Variants in DNAH5 observed in about 807,000 individuals in gnomAD.
DNAH5 encodes dynein axonemal heavy chain 5.
In DNAH5, 372 loss-of-function variants were observed where a neutral mutation model predicts 518.2. That is an observed-to-expected ratio of 0.72 (90% CI 0.66 to 0.78). The LOEUF is 0.78. Ranked by LOEUF, DNAH5 falls within the 30% of genes least tolerant of loss-of-function variation. The pLI, the probability that DNAH5 is intolerant of heterozygous loss-of-function variation, is 0.00. For missense variants in DNAH5, 5,523 were observed against 5,687.0 expected, an observed-to-expected ratio of 0.97 and a Z score of 0.93; for synonymous variants, 2,039 against 2,025.9, an observed-to-expected ratio of 1.01 and a Z score of -0.17.
At chr5:13,788,563 C>T (rs1756452466) in intron 51 of DNAH5, among the ~76,000 whole-genome samples, 153 bp downstream of exon 51, 1 of 152,186 alleles carries the variant, frequency 6.6e-6, no homozygotes, top group South Asian at 2.1e-4. Flanking sequence ...ATTCACTCAT[C>T]CTAGTTTTAT....
At chr5:13,753,867 C>T (rs1750604890) in intron 62 of DNAH5, among the ~76,000 whole-genome samples, 1 of 152,002 alleles carries the variant, frequency 6.6e-6, no homozygotes, top group Non-Finnish European at 1.5e-5. Flanking sequence ...TAAATGTGAC[C>T]TTCATCAATA....
rs373539107 is a variant in DNAH5, at chr5:13,871,536, A to G, written c.3598+28T>C. The G allele has an allele frequency of 2.6e-6, 4 of 1,567,976 alleles. No homozygotes were observed. In the African/African-American group the frequency reaches 4.1e-5, roughly 16 times the overall value. On this transcript the variant is annotated intron_variant, in intron 23 of 78. Transcript: ENST00000265104. ...GGCAGAACAATAATGGCTAATTTAT[A>G]TAACTATATGAAAGAAAATGAACCA...
chr5:13,806,894 G>T (rs76078265), intron 47 of DNAH5, among the ~76,000 whole-genome samples: 3,169 of 152,206 alleles, frequency 0.021, 96 homozygotes, highest in African/African-American at 0.069. Flanking sequence ...AAGGGTCTAA[G>T]ATTTTATACC....
chr5:13,719,737 T>C (rs924859799), intron 71 of DNAH5, among the ~76,000 whole-genome samples: 1 of 152,154 alleles, frequency 6.6e-6, no homozygotes, highest in Non-Finnish European at 1.5e-5. Context: ...AATGATTGCC[T>C]GCTGAATTTT....
intron 16 of DNAH5, among the ~76,000 whole-genome samples, chr5:13,894,321 A>C (rs1024755740): frequency 2.0e-5 from 3 of 152,178 alleles, no homozygotes; most frequent in Non-Finnish European, 2.9e-5. Context: ...CCAAATCTCC[A>C]CATCTTTCAA....
chr5:13,901,273 G>A lies in DNAH5; in HGVS notation c.2031C>T (p.Phe677=). Residue 677 remains phenylalanine (F), a synonymous_variant, in exon 14 of 79, where the codon TTC becomes TTT. Coordinates refer to ENST00000265104, the MANE Select transcript of DNAH5 (RefSeq NM_001369.3). ...TCACTTGCCGAAGCCACGCCCTGTG[G>A]AAGAGGACCTCAAACTCCAGGAGGA... ...AKVLLEFEVL[F]HRAWLRQIEE... 1.9e-6 allele frequency: 3 copies of A among 1,613,978 alleles called. No individual in the cohort carries two copies. The highest frequency in any genetic ancestry group is 2.5e-6 in the Non-Finnish European group (3 of 1,180,006).
intron 1 of DNAH5, among the ~76,000 whole-genome samples, chr5:13,931,471 CAA>C (rs1778415728): frequency 6.6e-6 from 1 of 151,964 alleles, no homozygotes; most frequent in South Asian, 2.1e-4. Context: ...ACAGAGAAGC[CAA>C]GAGAGAAAAA....
chr5:13,963,720 C>G (rs1437183882), intron 1 of DNAH5, among the ~76,000 whole-genome samples: 1 of 152,050 alleles, frequency 6.6e-6, no homozygotes, highest in Non-Finnish European at 1.5e-5. Flanking sequence ...TAAAATTGCT[C>G]TCCCCACTAC....
intron 30 of DNAH5, among the ~76,000 whole-genome samples, chr5:13,856,570 A>G (rs187195733): frequency 6.6e-6 from 1 of 152,306 alleles, no homozygotes; most frequent in East Asian, 1.9e-4. Context: ...ACAAAAAAAG[A>G]AAATTTAGGC....
At chr5:14,009,229 T>C (rs1432019537) in intron 1 of DNAH5, among the ~76,000 whole-genome samples, 2 of 152,208 alleles carry the variant, frequency 1.3e-5, no homozygotes, top group East Asian at 3.8e-4. Context: ...AGGAAAGAGC[T>C]TAGCGTGACT....
chr5:13,853,331 C>T (rs1767153457), intron 30 of DNAH5, among the ~76,000 whole-genome samples: 1 of 152,190 alleles, frequency 6.6e-6, no homozygotes, highest in Admixed American at 6.5e-5. Flanking sequence ...TCACCATCAA[C>T]TAAAAGGACG....
At chr5:13,721,348 G>T in intron 70 of DNAH5, 103 bp from the exon 71 acceptor site, 4 of 1,395,784 alleles carry the variant, frequency 2.9e-6, no homozygotes, top group African/African-American at 1.4e-5. Flanking sequence ...TCTCAGTGAT[G>T]TCCACAGTAA....
chr5:13,771,404 G>A (rs1286054827), intron 55 of DNAH5: 1 of 183,902 alleles, frequency 5.4e-6, no homozygotes, highest in Admixed American at 5.4e-5. Flanking sequence ...GTCCACCCTG[G>A]CTCTGACTGC....
chr5:13,781,177 TA>T (rs773423640), intron 52 of DNAH5, among the ~76,000 whole-genome samples: 57 of 152,162 alleles, frequency 3.7e-4, no homozygotes, highest in Non-Finnish European at 4.6e-4. Context: ...GGTGTGCCTT[TA>T]GGAAGTAGGA....
At chr5:13,980,463 C>G (rs1226381949) in intron 1 of DNAH5, among the ~76,000 whole-genome samples, 3 of 152,130 alleles carry the variant, frequency 2.0e-5, no homozygotes, top group Admixed American at 2.0e-4. Context: ...GTCCCAAACC[C>G]ACTCCTCTCT....
At chr5:13,926,348 G>A (rs1475547695) in intron 3 of DNAH5, among the ~76,000 whole-genome samples, 2 of 152,146 alleles carry the variant, frequency 1.3e-5, no homozygotes, top group Non-Finnish European at 2.9e-5. Flanking sequence ...TCATGACAGC[G>A]CTAGTCCAGT....
In DNAH5 at chr5:13,844,787, G is replaced by C. The variant is rs770127462; in HGVS notation, c.5271+50C>G. The C allele has an allele frequency of 1.9e-6, 3 of 1,612,342 alleles. No individual in the cohort carries two copies. The South Asian group carries it at 3.3e-5, about 18-fold the overall frequency. ...TTCGAAGAGCTACTTAAAGACAGTT[G>C]AGGTTCGAAGGTACGGTGATTGTTG... On this transcript the variant is annotated intron_variant, in intron 32 of 78. Coordinates refer to ENST00000265104, the MANE Select transcript of DNAH5 (RefSeq NM_001369.3).
chr5:13,898,588 C>A, intron 15 of DNAH5: 1 of 398,534 alleles, frequency 2.5e-6, no homozygotes, highest in Non-Finnish European at 4.4e-6. Context: ...AGCTATGAGA[C>A]CTTTGCTAAA....
At chr5:13,869,071 C>A (rs1400300877) in intron 24 of DNAH5, among the ~76,000 whole-genome samples, 1 of 152,172 alleles carries the variant, frequency 6.6e-6, no homozygotes, top group Non-Finnish European at 1.5e-5. Context: ...CCTGATCCTG[C>A]ACAAAGAAAT....
Sources: gnomAD v4.1 joint callset for allele counts (sites outside exome capture counted in the v4.1 genomes callset) on GRCh38, gnomAD v4.1.1 for gene constraint, MANE v1.5 for transcripts, NCBI Gene and HGNC (gene_info 2026-07-23, HGNC 2026-07-21) for gene names.